ST6GALNAC5: variants seen among roughly 807,000 people sequenced by gnomAD.
ST6GALNAC5 encodes alpha-N-acetylgalactosaminide alpha-2,6-sialyltransferase 5.
ST6GALNAC5 carries 27 observed loss-of-function variants against 33.6 expected under a neutral mutation model. The ratio of observed to expected loss-of-function variants is 0.80; its 90% confidence interval spans 0.59 to 1.11. The LOEUF is 1.11. Among genes scored for constraint, ST6GALNAC5 ranks in the 50% least tolerant of loss-of-function variants. The pLI, the probability that ST6GALNAC5 is intolerant of heterozygous loss-of-function variation, is 0.00. For synonymous variants in ST6GALNAC5, 194 were observed against 171.2 expected, an observed-to-expected ratio of 1.13 and a Z score of -1.04; for missense variants, 428 against 454.0, an observed-to-expected ratio of 0.94 and a Z score of 0.52.
At chr1:76,969,674 G>T (rs1360583873) in intron 2 of ST6GALNAC5, among the ~76,000 whole-genome samples, 4 of 152,150 alleles carry the variant, frequency 2.6e-5, no homozygotes, top group South Asian at 4.1e-4. Context: ...AGAGAGCAGT[G>T]GTTCTCCCAG....
At chr1:76,878,169 C>A (rs903341526) in intron 2 of ST6GALNAC5, among the ~76,000 whole-genome samples, 1 of 152,146 alleles carries the variant, frequency 6.6e-6, no homozygotes, top group African/African-American at 2.4e-5. Flanking sequence ...TACAGGGATG[C>A]GATATTGTTT....
At chr1:77,047,029 T>C (rs1295637134) in intron 3 of ST6GALNAC5, among the ~76,000 whole-genome samples, 1 of 152,254 alleles carries the variant, frequency 6.6e-6, no homozygotes, top group Non-Finnish European at 1.5e-5. Flanking sequence ...TCACCAGGTC[T>C]TTCTTCCTGG....
intron 2 of ST6GALNAC5, among the ~76,000 whole-genome samples, chr1:77,015,050 A>AACAC (rs5775372): frequency 0.11 from 13,588 of 122,434 alleles, 710 homozygotes; most frequent in Middle Eastern, 0.14. Flanking sequence ...CTCGCACACA[A>AACAC]ACACACACAC....
At chr1:76,978,095 T>A (rs1456059080) in intron 2 of ST6GALNAC5, among the ~76,000 whole-genome samples, 1 of 152,192 alleles carries the variant, frequency 6.6e-6, no homozygotes, top group Non-Finnish European at 1.5e-5. Context: ...CCATTTTTTG[T>A]CATATACCTG....
intron 2 of ST6GALNAC5, among the ~76,000 whole-genome samples, chr1:76,933,354 C>A (rs1221480181): frequency 4.0e-5 from 6 of 151,854 alleles, no homozygotes; most frequent in African/African-American, 1.2e-4. Context: ...CAGATAAGGA[C>A]CCCTGCTTCA....
rs1647000602 is a variant in ST6GALNAC5, at chr1:76,918,667, A to G, written c.261+49925A>G. ...GAGGCTCCAAGATGAGCACCTGAGC[A>G]CCAAGCAGTCCTCATCCTTCTCACT... On this transcript the variant is annotated intron_variant, in intron 2 of 4. Coordinates refer to ENST00000477717, the MANE Select transcript of ST6GALNAC5 (RefSeq NM_030965.3). 2.0e-5 allele frequency among the ~76,000 whole-genome samples: 3 copies of G among 150,516 alleles called. No homozygotes were observed. In the South Asian group the frequency reaches 6.4e-4, roughly 32 times the overall value.
chr1:77,029,138 C>T (rs544578415), intron 2 of ST6GALNAC5, among the ~76,000 whole-genome samples: 1 of 152,234 alleles, frequency 6.6e-6, no homozygotes, highest in Admixed American at 6.5e-5. Context: ...AAGATCATTA[C>T]GTTGGAGTGA....
chr1:77,011,634 ATT>A (rs1270351498), intron 2 of ST6GALNAC5, among the ~76,000 whole-genome samples: 1 of 152,064 alleles, frequency 6.6e-6, no homozygotes, highest in African/African-American at 2.4e-5. Flanking sequence ...ATATAAAATA[ATT>A]TTGTTTTTAT....
chr1:76,902,653 G>A (rs1265395911), intron 2 of ST6GALNAC5, among the ~76,000 whole-genome samples: 1 of 152,108 alleles, frequency 6.6e-6, no homozygotes, highest in Non-Finnish European at 1.5e-5. Flanking sequence ...ACAATAAAGT[G>A]ACGATAATCA....
intron 2 of ST6GALNAC5, among the ~76,000 whole-genome samples, chr1:76,918,613 T>G: frequency 1.1e-5 from 1 of 90,690 alleles, no homozygotes. Context: ...TGAGACTCCA[T>G]CTCAAAAAAA....
chr1:77,032,548 T>G (rs1017486645), intron 2 of ST6GALNAC5, among the ~76,000 whole-genome samples: 1 of 152,156 alleles, frequency 6.6e-6, no homozygotes, highest in African/African-American at 2.4e-5. Flanking sequence ...TGGCTCTCTT[T>G]ATATCTGTAA....
intron 2 of ST6GALNAC5, among the ~76,000 whole-genome samples, chr1:77,041,539 A>G (rs1056003321): frequency 1.3e-5 from 2 of 152,188 alleles, no homozygotes; most frequent in Non-Finnish European, 2.9e-5. Flanking sequence ...TCATTTATGT[A>G]TGGGATGTGC....
chr1:76,899,485 T>A (rs949756103), intron 2 of ST6GALNAC5, among the ~76,000 whole-genome samples: 1 of 151,736 alleles, frequency 6.6e-6, no homozygotes, highest in Non-Finnish European at 1.5e-5. Context: ...AGACAAGAGG[T>A]TGGGGTTCCT....
chr1:76,951,864 T>C (rs1042500999), intron 2 of ST6GALNAC5, among the ~76,000 whole-genome samples: 1 of 152,086 alleles, frequency 6.6e-6, no homozygotes, highest in African/African-American at 2.4e-5. Flanking sequence ...AACTGATGAA[T>C]GAATATAGTC....
intron 2 of ST6GALNAC5, among the ~76,000 whole-genome samples, chr1:76,881,793 TA>T (rs1653788595): frequency 6.6e-6 from 1 of 152,252 alleles, no homozygotes; most frequent in Non-Finnish European, 1.5e-5. Flanking sequence ...TGTAGGCCTG[TA>T]ACTAATTCAT....
chr1:76,886,543 C>T (rs1011284096), intron 2 of ST6GALNAC5, among the ~76,000 whole-genome samples: 2 of 152,072 alleles, frequency 1.3e-5, no homozygotes, highest in African/African-American at 2.4e-5. Flanking sequence ...GGTGAATCTG[C>T]GAAGACCAGT....
intron 2 of ST6GALNAC5, among the ~76,000 whole-genome samples, chr1:76,960,003 C>T (rs1175811680): frequency 6.6e-6 from 1 of 152,126 alleles, no homozygotes; most frequent in Non-Finnish European, 1.5e-5. Context: ...ATTATGCAGC[C>T]TCTATGAGGC....
chr1:76,881,186 A>T (rs1378436008), intron 2 of ST6GALNAC5, among the ~76,000 whole-genome samples: 1 of 152,128 alleles, frequency 6.6e-6, no homozygotes, highest in Non-Finnish European at 1.5e-5. Flanking sequence ...CTCTCATGGG[A>T]GTCAGTGAAT....
At chr1:76,944,385 A>G (rs1647439232) in intron 2 of ST6GALNAC5, among the ~76,000 whole-genome samples, 2 of 152,076 alleles carry the variant, frequency 1.3e-5, no homozygotes, top group African/African-American at 4.8e-5. Context: ...GGATTTTTTT[A>G]TGAAGTCACA....
Sources: allele counts gnomAD v4.1 joint callset (sites outside exome capture counted in the v4.1 genomes callset), GRCh38; gene constraint gnomAD v4.1.1; transcripts MANE v1.5; gene names NCBI Gene and HGNC (gene_info 2026-07-23, HGNC 2026-07-21).